Variants in TJP1 observed in about 807,000 individuals in gnomAD.
The protein encoded by TJP1 is tight junction protein 1.
A neutral mutation model predicts 194.2 loss-of-function variants in TJP1; 43 were observed. That is an observed-to-expected ratio of 0.22 (90% confidence interval 0.17 to 0.29). The LOEUF (loss-of-function observed/expected upper bound fraction) is 0.29. Among genes scored for constraint, TJP1 ranks in the 10% least tolerant of loss-of-function variants. The pLI, the probability that TJP1 is intolerant of heterozygous loss-of-function variation, is 1.00. For synonymous variants in TJP1, 801 were observed against 779.0 expected (o/e 1.03, Z -0.47); for missense variants, 1,971 against 2,185.7 (o/e 0.90, Z 1.96).
At position 29,822,030 on chromosome 15, in the gene TJP1, T is replaced by G. The variant is rs774999098; in HGVS notation, c.-2A>C. 2.2e-6 allele frequency: 3 copies of G among 1,353,354 alleles called. No individual in the cohort carries two copies. Among genetic ancestry groups the G allele is most frequent in the Non-Finnish European group, 2.9e-6 (3 of 1,049,268 alleles). 83.8% of individuals were successfully genotyped at this position (1,353,354 alleles called of 1,614,324 possible). A position where few individuals can be genotyped will look rare whatever the true frequency, so the allele number is the denominator to read the frequency against. The stretch of plus-strand genomic sequence containing the variant: ...GGCGGCCGCAGCTCTGGCGGACATC[T>G]TGTCTCTCTCCAGCGCCGCGCGAGG... On this transcript the variant is annotated 5_prime_UTR_variant, in exon 1 of 28. Transcript: ENST00000614355.
chr15:29,861,714 C>G (rs567217360), intron 2 of TJP1, among the ~76,000 whole-genome samples: 2 of 152,132 alleles, frequency 1.3e-5, no homozygotes, highest in African/African-American at 4.8e-5. Flanking sequence ...GATTTGCAAA[C>G]ATTGTCTCCC....
chr15:29,746,786 G>A (rs1042670388), intron 8 of TJP1, among the ~76,000 whole-genome samples: 6 of 151,906 alleles, frequency 3.9e-5, no homozygotes, highest in African/African-American at 9.7e-5. Context: ...CTTCCTGAAG[G>A]AATAAAAAAT....
intron 2 of TJP1, among the ~76,000 whole-genome samples, chr15:29,939,937 C>T (rs2055011135): frequency 6.6e-6 from 1 of 152,108 alleles, no homozygotes; most frequent in Non-Finnish European, 1.5e-5. Context: ...CCCCCAACCC[C>T]CCAGTTTATG....
Position 29,732,448 on chromosome 15 carries a change from T to C in TJP1, c.2002A>G (p.Ile668Val), listed in dbSNP as rs1194952946. The change falls in exon 15 of 28, where the codon ATT becomes GTT. Residue 668 changes from isoleucine (I) to valine (V), a missense_variant. By Grantham distance (29) the Ile-to-Val change is conservative. Around this residue, in one of 5 missense-constraint regions of TJP1, gnomAD observed 402 missense variants for 484.2 expected, o/e 0.83. Transcript: ENST00000614355. ...GGCTACTTACTTGCAATTTGATAAA[T>C]ATCTGGTTCTTCTCTTGCCAGCTTT... Reference protein sequence around the residue: ...REKLAREEPDIYQIAKSEPRD... With the variant: ...REKLAREEPDVYQIAKSEPRD... 5.0e-6 allele frequency: 8 copies of C among 1,613,350 alleles called. No homozygotes were observed. The African/African-American group carries it at 6.7e-5, about 13-fold the overall frequency.
At chr15:29,797,448 C>T (rs1160533103) in intron 2 of TJP1, among the ~76,000 whole-genome samples, 1 of 152,010 alleles carries the variant, frequency 6.6e-6, no homozygotes, top group Non-Finnish European at 1.5e-5. Flanking sequence ...CTACACCTGG[C>T]CAGAGCTTTA....
intron 23 of TJP1, among the ~76,000 whole-genome samples, chr15:29,712,859 C>G (rs2042324348): frequency 6.8e-6 from 1 of 146,326 alleles, no homozygotes. Flanking sequence ...AGTGAAGACA[C>G]AGGAAAAAGT....
chr15:29,950,021 ACC>A (rs1433004575), intron 2 of TJP1, among the ~76,000 whole-genome samples: 2 of 78,610 alleles, frequency 2.5e-5, no homozygotes, highest in Non-Finnish European at 4.9e-5. Flanking sequence ...CACCACCTCC[ACC>A]TCCACCTTCA....
intron 8 of TJP1, among the ~76,000 whole-genome samples, chr15:29,752,019 G>A (rs900092476): frequency 1.3e-5 from 2 of 151,998 alleles, no homozygotes; most frequent in African/African-American, 2.4e-5. Flanking sequence ...CAACCTCTTG[G>A]GCTCAAGCAG....
chr15:29,720,188 A>C, intron 19 of TJP1, 170 bp downstream of exon 19: 1 of 1,124,352 alleles, frequency 8.9e-7, no homozygotes, highest in African/African-American at 1.6e-5. Flanking sequence ...TTGCTGTGTT[A>C]AGACAAACAC....
chr15:29,950,088 T>C (rs62649080), intron 2 of TJP1, among the ~76,000 whole-genome samples: 35 of 1,718 alleles, frequency 0.02, no homozygotes, highest in South Asian at 0.059. Flanking sequence ...ACCACCATCT[T>C]CACCACCACC....
chr15:29,950,183 TCCACCACCACCA>T (rs201669884), intron 2 of TJP1, among the ~76,000 whole-genome samples: 2 of 60,010 alleles, frequency 3.3e-5, no homozygotes, highest in African/African-American at 1.0e-4. Flanking sequence ...TACCTCCACC[TCCACCACCACCA>T]CCACTTCCAT....
At chr15:29,930,196 TAC>T (rs1400288021) in intron 2 of TJP1, among the ~76,000 whole-genome samples, 1 of 152,182 alleles carries the variant, frequency 6.6e-6, no homozygotes, top group Non-Finnish European at 1.5e-5. Context: ...AATCTCTATT[TAC>T]ACAGACTATT....
Position 29,700,720 on chromosome 15 carries a change from TCA to T in TJP1, c.*873_*874del. 7.6e-6 allele frequency: 1 copy of T among 131,544 alleles called. No individual in the cohort carries two copies. The highest frequency in any genetic ancestry group is 4.2e-5 in the African/African-American group (1 of 23,910). The allele number at this position is 131,544 out of a possible 1,614,324, so 8.1% of individuals were successfully genotyped here. On this transcript the variant is annotated 3_prime_UTR_variant, in exon 28 of 28. Coordinates refer to ENST00000614355, the MANE Select transcript of TJP1 (RefSeq NM_001330239.4). ...AACAGAAAACCACCACTGCCCCTTGTCAAAAAAAAAAAAAAAGAAAAGAAAAG... is the reference window on the plus strand; with the variant it reads ...AACAGAAAACCACCACTGCCCCTTGTAAAAAAAAAAAAAAGAAAAGAAAAG...
At chr15:29,945,292 T>C (rs73371193) in intron 2 of TJP1, among the ~76,000 whole-genome samples, 1,673 of 152,358 alleles carry the variant, frequency 0.011, 36 homozygotes, top group African/African-American at 0.038. Context: ...TTATGTTAGC[T>C]AGGAGAATCT....
At chr15:29,701,914 C>G (rs2041570763) in intron 27 of TJP1, among the ~76,000 whole-genome samples, 6 of 151,962 alleles carry the variant, frequency 3.9e-5, no homozygotes. Flanking sequence ...TTAAAACGTT[C>G]TTTCTAACTC....
Position 29,718,183 on chromosome 15 carries a change from A to G in TJP1, c.3877-65T>C, listed in dbSNP as rs1047155243. The stretch of plus-strand genomic sequence containing the variant: ...AAGGAACAGATAATTAACAGAATAG[A>G]TATCATGTAATGGCGGAGGGGAGAG... On this transcript the variant is annotated intron_variant, in intron 21 of 27. Coordinates refer to ENST00000614355, the MANE Select transcript of TJP1 (RefSeq NM_001330239.4). 7.6e-6 allele frequency: 12 copies of G among 1,587,246 alleles called. 1 individual carries two copies. Among genetic ancestry groups the G allele is most frequent in the East Asian group, 6.7e-5 (3 of 44,788 alleles).
intron 2 of TJP1, among the ~76,000 whole-genome samples, chr15:29,786,470 T>G (rs2047707617): frequency 6.6e-6 from 1 of 152,226 alleles, no homozygotes; most frequent in Non-Finnish European, 1.5e-5. Flanking sequence ...GTGAATTACA[T>G]GAGTTCTTAA....
At position 29,757,959 on chromosome 15, in the gene TJP1, G is replaced by A. The variant is rs45575035; in HGVS notation, c.1010+3180C>T. On this transcript the variant is annotated intron_variant, in intron 8 of 27. Coordinates refer to ENST00000614355, the MANE Select transcript of TJP1 (RefSeq NM_001330239.4). Reference sequence around the variant, plus strand: ...ACTAAATGTGAAAACAAGGATGAAGGAAATGAGCAGTGAAGGAAAACGAGG... The same window carrying A: ...ACTAAATGTGAAAACAAGGATGAAGAAAATGAGCAGTGAAGGAAAACGAGG... Among the ~76,000 whole-genome samples the A allele has an allele frequency of 6.0e-3, 913 of 152,270 alleles. 12 individuals are homozygous for A. Among genetic ancestry groups the A allele is most frequent in the East Asian group, 0.032 (166 of 5,184 alleles).
chr15:29,912,695 C>CAAAAAAAA (rs71103416), intron 2 of TJP1, among the ~76,000 whole-genome samples: 22 of 64,960 alleles, frequency 3.4e-4, no homozygotes, highest in African/African-American at 1.1e-3. Flanking sequence ...GACTCTGTCT[C>CAAAAAAAA]AAAAAAAAAA....
Sources: allele counts gnomAD v4.1 joint callset (sites outside exome capture counted in the v4.1 genomes callset), GRCh38; gene constraint gnomAD v4.1.1; regional missense constraint gnomAD v4.1.1; transcripts MANE v1.5; gene names NCBI Gene and HGNC (gene_info 2026-07-23, HGNC 2026-07-21).